Variants in EPM2A observed in about 807,000 individuals in gnomAD.
The protein encoded by EPM2A is EPM2A glucan phosphatase, laforin.
Under a neutral mutation model 26.5 loss-of-function variants are expected in EPM2A, and 21 were observed. The observed-to-expected ratio is 0.79, with a 90% CI of 0.56 to 1.14. EPM2A has a LOEUF of 1.14. Among genes scored for constraint, EPM2A ranks in the 50% most tolerant of loss-of-function variants. The pLI, the probability that EPM2A is intolerant of heterozygous loss-of-function variation, is 0.00. For synonymous variants in EPM2A, 217 were observed against 177.6 expected, an observed-to-expected ratio of 1.22 and a Z score of -1.76; for missense variants, 458 against 440.8, an observed-to-expected ratio of 1.04 and a Z score of -0.35.
At chr6:145,562,951 C>T (rs1269574815) in intron 2 of EPM2A, among the ~76,000 whole-genome samples, 1 of 151,144 alleles carries the variant, frequency 6.6e-6, no homozygotes, top group Non-Finnish European at 1.5e-5. Flanking sequence ...TGAGATCAAA[C>T]GTCCTACTCA....
intron 2 of EPM2A, among the ~76,000 whole-genome samples, chr6:145,645,987 G>A (rs778552779): frequency 3.9e-5 from 6 of 152,108 alleles, no homozygotes; most frequent in Non-Finnish European, 7.3e-5. Context: ...CTCATCTAAC[G>A]AGAAGAGTCT....
chr6:145,520,541 G>A (rs1780189335), intron 2 of EPM2A, among the ~76,000 whole-genome samples: 1 of 152,158 alleles, frequency 6.6e-6, no homozygotes, highest in South Asian at 2.1e-4. Flanking sequence ...GCTTGTAAGG[G>A]AGCCTCCTGA....
chr6:145,692,823 T>C (rs1485272375), intron 1 of EPM2A, among the ~76,000 whole-genome samples: 2 of 152,122 alleles, frequency 1.3e-5, no homozygotes, highest in Admixed American at 6.5e-5. Context: ...AATAGCCTTG[T>C]AGTATAGTTT....
intron 2 of EPM2A, among the ~76,000 whole-genome samples, chr6:145,643,559 T>C (rs1030837177): frequency 6.6e-6 from 1 of 152,214 alleles, no homozygotes; most frequent in Non-Finnish European, 1.5e-5. Context: ...AAATATCCAC[T>C]GTAGACAAAG....
chr6:145,398,636 G>A (rs1228436038), intron 4 of EPM2A, among the ~76,000 whole-genome samples: 1 of 152,022 alleles, frequency 6.6e-6, no homozygotes, highest in Non-Finnish European at 1.5e-5. Context: ...GAGGCGGGCA[G>A]ATCACTTGAA....
At chr6:145,497,567 T>C (rs529868153), downstream of EPM2A, among the ~76,000 whole-genome samples, 5 of 47,574 alleles carry the variant, frequency 1.1e-4, no homozygotes, top group African/African-American at 3.4e-4. Context: ...TTTCCTAGAG[T>C]AGCTGTGCTG....
chr6:145,734,901 A>T (rs1298752859), intron 1 of EPM2A: 1 of 198,806 alleles, frequency 5.0e-6, no homozygotes, highest in African/African-American at 2.3e-5. Flanking sequence ...GAAGCTGAGG[A>T]CTGGATGTGC....
intron 2 of EPM2A, among the ~76,000 whole-genome samples, chr6:145,585,872 G>A (rs780371014): frequency 3.3e-5 from 5 of 152,124 alleles, no homozygotes; most frequent in Admixed American, 1.3e-4. Flanking sequence ...CCTTGTTCCC[G>A]ACGCAAAACC....
intron 4 of EPM2A, among the ~76,000 whole-genome samples, chr6:145,486,166 C>A (rs1367488923): frequency 6.6e-6 from 1 of 152,192 alleles, no homozygotes; most frequent in African/African-American, 2.4e-5. Context: ...CAAATAGAAC[C>A]TTCCAGAGGG....
intron 3 of EPM2A, chr6:145,628,054 G>T: frequency 4.0e-6 from 1 of 251,752 alleles, no homozygotes; most frequent in South Asian, 6.9e-5. Context: ...GAATTTTAGA[G>T]GATTCAAAAA....
intron 2 of EPM2A, among the ~76,000 whole-genome samples, chr6:145,543,975 T>C (rs556271811): frequency 6.6e-6 from 1 of 152,350 alleles, no homozygotes; most frequent in South Asian, 2.1e-4. Flanking sequence ...TATTTAACAA[T>C]TAGCTATAAT....
intron 4 of EPM2A, chr6:145,490,565 C>G: frequency 1.4e-6 from 1 of 702,618 alleles, no homozygotes; most frequent in Non-Finnish European, 2.7e-6. Context: ...TTCTTAGTGA[C>G]TCCACCTTCT....
At chr6:145,444,090 T>A (rs1378024826) in intron 4 of EPM2A, among the ~76,000 whole-genome samples, 1 of 152,188 alleles carries the variant, frequency 6.6e-6, no homozygotes, top group African/African-American at 2.4e-5. Context: ...CCTATTTAGA[T>A]GTCTTTTATT....
chr6:145,524,912 T>A (rs556519424), intron 2 of EPM2A, among the ~76,000 whole-genome samples: 2 of 152,324 alleles, frequency 1.3e-5, no homozygotes, highest in East Asian at 3.9e-4. Flanking sequence ...GTCTTACATT[T>A]AAATATTTAA....
rs61299104 is a variant in EPM2A, at chr6:145,390,563, T to TTCTCTCTCTCTCTCTCTCTC, written c.556-6486_556-6467dup. On this transcript the variant is annotated intron_variant, in intron 4 of 4. Coordinates refer to the EPM2A transcript ENST00000638717. Reference sequence around the variant, plus strand: ...TATTTATCCATGTTGTGCATGCACATTCTCTCTCTCTCTCTCTCTCTCTTT... The same window carrying TTCTCTCTCTCTCTCTCTCTC: ...TATTTATCCATGTTGTGCATGCACATTCTCTCTCTCTCTCTCTCTCTCTCTCTCTCTCTCTCTCTCTCTTT... Among the ~76,000 whole-genome samples the TTCTCTCTCTCTCTCTCTCTC allele has an allele frequency of 5.4e-3, 800 of 148,580 alleles. 9 individuals carry two copies. The highest frequency in any genetic ancestry group is 0.019 in the African/African-American group (754 of 40,430).
chr6:145,614,262 GAGTT>G (rs1421681337), intron 2 of EPM2A, among the ~76,000 whole-genome samples: 1 of 152,206 alleles, frequency 6.6e-6, no homozygotes, highest in Non-Finnish European at 1.5e-5. Flanking sequence ...AAATTGAAGA[GAGTT>G]AGGGCTTTGC....
intron 2 of EPM2A, among the ~76,000 whole-genome samples, chr6:145,676,941 C>T (rs185089659): frequency 1.3e-5 from 2 of 152,290 alleles, no homozygotes; most frequent in East Asian, 3.9e-4. Context: ...AGGCTAGCAT[C>T]ATCCTGATAC....
chr6:145,589,888 TAAA>T (rs60941447), intron 2 of EPM2A, among the ~76,000 whole-genome samples: 2 of 140,894 alleles, frequency 1.4e-5, no homozygotes, highest in Non-Finnish European at 1.5e-5. Context: ...GTTCAGAGGT[TAAA>T]AAAAAAAAAA....
At chr6:145,429,724 C>CT (rs988854749) in intron 4 of EPM2A, among the ~76,000 whole-genome samples, 1 of 151,992 alleles carries the variant, frequency 6.6e-6, no homozygotes, top group South Asian at 2.1e-4. Context: ...TTGTTGATGA[C>CT]TTTTTTTAAA....
Sources: allele counts gnomAD v4.1 joint callset (sites outside exome capture counted in the v4.1 genomes callset), GRCh38; gene constraint gnomAD v4.1.1; transcripts MANE v1.5; gene names NCBI Gene and HGNC (gene_info 2026-07-23, HGNC 2026-07-21).